CEP192: variants seen among roughly 807,000 people sequenced by gnomAD.
CEP192 encodes centrosomal protein of 192 kDa.
A neutral mutation model predicts 271.8 loss-of-function variants in CEP192; 151 were observed. The observed-to-expected ratio is 0.56, with a 90% confidence interval of 0.49 to 0.64. CEP192 has a LOEUF of 0.64. Among genes scored for constraint, CEP192 ranks in the 30% least tolerant of loss-of-function variants. The pLI is 0.00. For missense variants in CEP192, 2,910 were observed against 3,020.5 expected (o/e 0.96, Z 0.86); for synonymous variants, 995 against 1,076.5 (o/e 0.92, Z 1.48).
At chr18:13,008,168 A>G (rs1362730476) in intron 3 of CEP192, among the ~76,000 whole-genome samples, 1 of 152,240 alleles carries the variant, frequency 6.6e-6, no homozygotes, top group East Asian at 1.9e-4. Flanking sequence ...AGTTTCAAGG[A>G]TACTTATTTT....
At chr18:13,105,654 A>G (rs773292222) in intron 40 of CEP192, among the ~76,000 whole-genome samples, 1 of 152,230 alleles carries the variant, frequency 6.6e-6, no homozygotes, top group African/African-American at 2.4e-5. Context: ...ACTGACCGTA[A>G]AAGAATCTTG....
chr18:13,038,079 G>A (rs562017877), intron 12 of CEP192, among the ~76,000 whole-genome samples: 1 of 151,878 alleles, frequency 6.6e-6, no homozygotes, highest in African/African-American at 2.4e-5. Context: ...GCTCACATGA[G>A]TCTCCCATCT....
At chr18:13,087,991 AT>A (rs2038974914) in intron 32 of CEP192, among the ~76,000 whole-genome samples, 2 of 152,320 alleles carry the variant, frequency 1.3e-5, no homozygotes, top group Admixed American at 1.3e-4. Context: ...TTTATAAAAG[AT>A]TTAAGAACTA....
chr18:13,056,029 C>G lies in CEP192; in HGVS notation c.3439C>G (p.Leu1147Val). The G allele has an allele frequency of 1.9e-6, 3 of 1,614,194 alleles. No individual in the cohort carries two copies. The highest frequency in any genetic ancestry group is 2.5e-6 in the Non-Finnish European group (3 of 1,180,040). ...SKDPSSKSGNLLETSEVGWTS... is the reference protein window; with the variant it reads ...SKDPSSKSGNVLETSEVGWTS... ...AGATCCTTCCTCCAAAAGTGGAAAT[C>G]TGTTGGAAACCAGTGAGGTAGGTTG... Residue 1147 changes from leucine (L) to valine (V), a missense_variant, in exon 19 of 45, where the codon CTG becomes GTG. Physicochemically the swap from Leu to Val is conservative, Grantham distance 32. Transcript: ENST00000506447.
intron 30 of CEP192, among the ~76,000 whole-genome samples, chr18:13,085,438 G>A (rs57448401): frequency 0.14 from 20,894 of 152,142 alleles, 1,580 homozygotes; most frequent in East Asian, 0.31. Context: ...TGTTGCCATC[G>A]CTTTTGGTGT....
chr18:13,098,174 G>A (rs188294634), intron 36 of CEP192, among the ~76,000 whole-genome samples: 2,400 of 152,332 alleles, frequency 0.016, 36 homozygotes, highest in Middle Eastern at 0.061. Flanking sequence ...CCTCCCAGAC[G>A]GGGTGGTGGC....
intron 40 of CEP192, 126 bp from the exon 41 acceptor site, chr18:13,113,460 A>G (rs1276846960): frequency 4.4e-6 from 4 of 913,080 alleles, no homozygotes; most frequent in Admixed American, 5.1e-5. Flanking sequence ...ATTAATGGCA[A>G]AACTAGCCAG....
At chr18:13,084,198 C>T (rs1015087878) in intron 30 of CEP192, among the ~76,000 whole-genome samples, 1 of 152,190 alleles carries the variant, frequency 6.6e-6, no homozygotes, top group African/African-American at 2.4e-5. Flanking sequence ...GTTTCTGCTG[C>T]CTTTTTTTCA....
chr18:13,095,152 C>T (rs879282453), intron 34 of CEP192, among the ~76,000 whole-genome samples: 4 of 152,148 alleles, frequency 2.6e-5, no homozygotes, highest in Non-Finnish European at 5.9e-5. Context: ...CACCTGCCAC[C>T]ACTCCCAGCT....
chr18:13,092,164 G>C (rs994040293), intron 33 of CEP192, among the ~76,000 whole-genome samples: 1 of 152,196 alleles, frequency 6.6e-6, no homozygotes, highest in Admixed American at 6.5e-5. Flanking sequence ...AGTGGCAAAG[G>C]TAGTTCAAAT....
rs779313579 is a variant in CEP192 at position 13,052,977 on chromosome 18, G to T, written c.3076G>T (p.Glu1026Ter). 3 of 1,613,762 alleles carry T rather than the reference G, an allele frequency of 1.9e-6. No individual in the cohort carries two copies. The highest frequency in any genetic ancestry group is 2.5e-6 in the Non-Finnish European group (3 of 1,179,758). ...AQQQQPPCEQELSPLVCSPAG... is the reference protein window; with the variant it reads ...AQQQQPPCEQ ...GCAGCAGCAGCCTCCCTGTGAGCAG[G>T]AGTTGTCTCCCTTGGTGTGCTCGCC... is the stretch of plus-strand genomic sequence containing the variant. The change falls in exon 18 of 45, where the codon GAG becomes TAG. Residue 1026 changes from glutamate to a stop codon, truncating the protein, a stop_gained. Transcript: ENST00000506447. LOFTEE classifies it high-confidence loss of function.
rs1342295284 is a variant in CEP192 at position 13,049,681 on chromosome 18, G to A, written c.2890G>A (p.Asp964Asn). 3.1e-6 allele frequency: 5 copies of A among 1,606,424 alleles called. No homozygotes were observed. The highest frequency in any genetic ancestry group is 3.4e-6 in the Non-Finnish European group (4 of 1,175,808). Reference protein sequence around the residue: ...NHRIVSPKNSDLKNTSPEHGG... With the variant: ...NHRIVSPKNSNLKNTSPEHGG... ...TCGCATAGTCTCACCTAAAAATAGT[G>A]GTAAGTGTCTGAGTCGTTGGTCACA... The change falls in exon 16 of 45, where the codon GAT becomes AAT. Residue 964 changes from aspartate to asparagine, a missense_variant and splice_region_variant. Coordinates refer to ENST00000506447, the MANE Select transcript of CEP192 (RefSeq NM_032142.4).
intron 30 of CEP192, among the ~76,000 whole-genome samples, chr18:13,075,383 T>C (rs935808456): frequency 9.2e-5 from 14 of 151,976 alleles, no homozygotes; most frequent in African/African-American, 3.1e-4. Flanking sequence ...CTGACCAACA[T>C]GGTGAAACCC....
intron 3 of CEP192, among the ~76,000 whole-genome samples, chr18:13,006,285 A>C (rs76683019): frequency 6.6e-6 from 1 of 150,752 alleles, no homozygotes; most frequent in Non-Finnish European, 1.5e-5. Context: ...TTTTTTTTTA[A>C]TGGGCCCTTT....
Position 13,073,032 on chromosome 18 carries a change from A to G in CEP192, c.5463A>G (p.Glu1821=). ...CFQLQNTFGS[E]QRLTSNCEIR... is the part of the protein sequence containing the mutation. ...AGCTTCAGAACACTTTTGGTTCAGA[A>G]CAGCGATTGACCAGTAACTGTGAGA... is the stretch of plus-strand genomic sequence containing the variant. Residue 1821 remains glutamate (E), a synonymous_variant, in exon 30 of 45, where the codon GAA becomes GAG. Transcript: ENST00000506447. 1 of 1,610,748 alleles carries G rather than the reference A, an allele frequency of 6.2e-7. No individual in the cohort carries two copies. Among genetic ancestry groups the G allele is most frequent in the Non-Finnish European group, 8.5e-7 (1 of 1,179,080 alleles).
At chr18:12,998,016 C>T (rs985044158) in intron 1 of CEP192, among the ~76,000 whole-genome samples, 4 of 152,184 alleles carry the variant, frequency 2.6e-5, no homozygotes, top group Non-Finnish European at 5.9e-5. Flanking sequence ...TGAGCCATCG[C>T]ACCTGGCCTC....
At chr18:13,086,200 T>C (rs2038889234) in intron 30 of CEP192, among the ~76,000 whole-genome samples, 1 of 152,186 alleles carries the variant, frequency 6.6e-6, no homozygotes, top group South Asian at 2.1e-4. Flanking sequence ...TATTGGTGTA[T>C]AGGAATGCTT....
intron 30 of CEP192, among the ~76,000 whole-genome samples, chr18:13,084,991 GTT>G (rs76648576): frequency 7.1e-6 from 1 of 141,488 alleles, no homozygotes; most frequent in East Asian, 2.0e-4. Context: ...AATTTTTTGG[GTT>G]TTTTTTTTTT....
At chr18:13,040,709 AAGT>A in intron 13 of CEP192, 118 bp from the exon 14 acceptor site, 1 of 686,034 alleles carries the variant, frequency 1.5e-6, no homozygotes. Context: ...ATTTGAGGTT[AAGT>A]GGGAAGAACA....
Sources: gnomAD v4.1 joint callset for allele counts (sites outside exome capture counted in the v4.1 genomes callset) on GRCh38, gnomAD v4.1.1 for gene constraint, MANE v1.5 for transcripts, NCBI Gene and HGNC (gene_info 2026-07-23, HGNC 2026-07-21) for gene names.